Variants in MCF2L observed in about 807,000 individuals in gnomAD.
MCF2L encodes the protein MCF.2 cell line derived transforming sequence like.
MCF2L carries 97 observed loss-of-function variants against 153.4 expected under a neutral mutation model. The observed-to-expected ratio is 0.63, with a 90% CI of 0.54 to 0.75. The LOEUF (loss-of-function observed/expected upper bound fraction) is 0.75, where lower values mean the gene tolerates loss of function less well. MCF2L is among the 30% of genes least tolerant of loss of function. The pLI is 0.00. For missense variants in MCF2L, 1,347 were observed against 1,495.2 expected (o/e 0.90, Z 1.64); for synonymous variants, 659 against 632.2 (o/e 1.04, Z -0.64).
upstream of MCF2L, chr13:112,968,436 C>A (rs1414932157): frequency 5.7e-6 from 9 of 1,583,656 alleles, no homozygotes; most frequent in Non-Finnish European, 7.7e-6. Flanking sequence ...CTGCGTGTGT[C>A]GAGTGCACAG....
chr13:112,916,065 G>A (rs897052240), intron 2 of MCF2L, among the ~76,000 whole-genome samples: 12 of 150,562 alleles, frequency 8.0e-5, no homozygotes, highest in East Asian at 1.9e-4. Context: ...AAAATTAGCC[G>A]GGCATGATGG....
intron 26 of MCF2L, 190 bp downstream of exon 26, chr13:113,089,918 T>A: frequency 3.1e-6 from 5 of 1,601,844 alleles, no homozygotes; most frequent in Non-Finnish European, 4.3e-6. Flanking sequence ...TCCATTGCTC[T>A]GCACCCCTGC....
At chr13:112,991,774 T>C (rs1470201878) in intron 1 of MCF2L, among the ~76,000 whole-genome samples, 1 of 152,186 alleles carries the variant, frequency 6.6e-6, no homozygotes, top group East Asian at 1.9e-4. Context: ...AGCCCTTCCC[T>C]GCGGGTTAAG....
chr13:113,078,512 C>T, intron 14 of MCF2L, 76 bp downstream of exon 14: 5 of 1,419,878 alleles, frequency 3.5e-6, no homozygotes, highest in East Asian at 2.4e-5. Flanking sequence ...CTCCGTGTGG[C>T]CCCCCCTCCC....
chr13:112,920,572 T>C (rs2081342062), intron 2 of MCF2L, among the ~76,000 whole-genome samples: 1 of 151,932 alleles, frequency 6.6e-6, no homozygotes, highest in East Asian at 1.9e-4. Context: ...GCCTGCACAT[T>C]GTATGGCCTG....
chr13:113,075,225 G>A (rs3764119), intron 11 of MCF2L, 36 bp downstream of exon 11: 128,051 of 1,545,392 alleles, frequency 0.083, 6,223 homozygotes, highest in East Asian at 0.23. Context: ...CTCCCCCCCA[G>A]CTGCGGAACC....
At chr13:112,949,092 A>C (rs747096987) in intron 2 of MCF2L, among the ~76,000 whole-genome samples, 1 of 152,244 alleles carries the variant, frequency 6.6e-6, no homozygotes, top group Non-Finnish European at 1.5e-5. Context: ...AGATATCAAA[A>C]GGATAATAAG....
chr13:113,094,696 C>T, intron 27 of MCF2L, 61 bp downstream of exon 27: 1 of 1,557,662 alleles, frequency 6.4e-7, no homozygotes, highest in Non-Finnish European at 8.7e-7. Flanking sequence ...ATTAGGGGTG[C>T]TTCTGGCAGG....
Position 113,074,592 on chromosome 13 carries a change from G to C in MCF2L, c.1116+29G>C. 5 of 1,610,164 alleles carry C rather than the reference G, an allele frequency of 3.1e-6. No homozygotes were observed. The highest frequency in any genetic ancestry group is 4.2e-6 in the Non-Finnish European group (5 of 1,177,418). On this transcript the variant is annotated intron_variant, in intron 10 of 29. Coordinates refer to ENST00000535094, the MANE Select transcript of MCF2L (RefSeq NM_001112732.3). This position sits in a 1 kb window ranked among gnomAD's most constrained non-coding sequence, Gnocchi z 4.2. ...AGGCGGGGTCCCGGCGGGGGCGGCG[G>C]GAGAGTGTGGGCAGCATCATCAAGT...
At position 113,064,266 on chromosome 13, in the gene MCF2L, A is replaced by G. The variant is rs999891914; in HGVS notation, c.490-38A>G. 1.1e-5 allele frequency: 16 copies of G among 1,461,730 alleles called. No individual in the cohort carries two copies. In the Middle Eastern group the frequency reaches 1.2e-3, roughly 111 times the overall value. 90.5% of individuals were successfully genotyped at this position (1,461,730 alleles called of 1,614,324 possible). A position where few individuals can be genotyped will look rare whatever the true frequency, so the allele number is the denominator to read the frequency against. ...GGCAGCTCTTTTGGGAGCCAACAAT[A>G]ATCCCAAACACTACCACGCATTCCC... On this transcript the variant is annotated intron_variant, in intron 5 of 29. Transcript: ENST00000535094. This position sits in a 1 kb window ranked among gnomAD's most constrained non-coding sequence, Gnocchi z 6.0.
chr13:113,023,364 A>G (rs1033413969), intron 2 of MCF2L, among the ~76,000 whole-genome samples: 36 of 152,244 alleles, frequency 2.4e-4, no homozygotes, highest in Admixed American at 2.2e-3. Flanking sequence ...GGAGACGCCC[A>G]CAGGGAGCCT....
intron 9 of MCF2L, among the ~76,000 whole-genome samples, chr13:113,072,768 A>C (rs2033048065): frequency 6.6e-6 from 1 of 151,292 alleles, no homozygotes; most frequent in Non-Finnish European, 1.5e-5. Context: ...GAGATGTATC[A>C]CTCCTCATCT....
chr13:112,982,893 C>T (rs954362721), intron 1 of MCF2L, among the ~76,000 whole-genome samples: 3 of 151,742 alleles, frequency 2.0e-5, no homozygotes, highest in East Asian at 1.9e-4. Context: ...GCTTGAGGGG[C>T]GCCGAGGTGT....
At chr13:112,973,268 G>A (rs2082112777) in intron 1 of MCF2L, among the ~76,000 whole-genome samples, 1 of 152,182 alleles carries the variant, frequency 6.6e-6, no homozygotes, top group Non-Finnish European at 1.5e-5. Flanking sequence ...TTTTAAATGT[G>A]CTGAGGCCCT....
Position 113,074,599 on chromosome 13 carries a change from G to A in MCF2L, c.1116+36G>A. 1 of 1,608,526 alleles carries A rather than the reference G, an allele frequency of 6.2e-7. No individual in the cohort carries two copies. Among genetic ancestry groups the A allele is most frequent in the Non-Finnish European group, 8.5e-7 (1 of 1,176,198 alleles). ...GTCCCGGCGGGGGCGGCGGGAGAGT[G>A]TGGGCAGCATCATCAAGTGCTGCTC... On this transcript the variant is annotated intron_variant, in intron 10 of 29. Coordinates refer to ENST00000535094, the MANE Select transcript of MCF2L (RefSeq NM_001112732.3). This position sits in a 1 kb window ranked among gnomAD's most constrained non-coding sequence, Gnocchi z 4.2.
intron 1 of MCF2L, among the ~76,000 whole-genome samples, chr13:112,990,031 C>T (rs1037184257): frequency 3.9e-5 from 6 of 152,288 alleles, no homozygotes; most frequent in African/African-American, 9.6e-5. Context: ...TGACAGGAGG[C>T]GGAGCTCAGG....
intron 5 of MCF2L, among the ~76,000 whole-genome samples, chr13:113,061,381 G>A (rs981099699): frequency 2.0e-5 from 3 of 152,102 alleles, no homozygotes; most frequent in African/African-American, 2.4e-5. Flanking sequence ...TAGCTCCCCC[G>A]GAGAGCCCTG....
chr13:112,968,402 A>G (rs1010100283), upstream of MCF2L: 98 of 1,548,578 alleles, frequency 6.3e-5, no homozygotes, highest in Non-Finnish European at 7.5e-5. Flanking sequence ...CACGAGCTGG[A>G]ATCTGCAGGT....
intron 3 of MCF2L, among the ~76,000 whole-genome samples, chr13:113,033,431 A>AG (rs1566773802): frequency 3.1e-5 from 2 of 64,760 alleles, no homozygotes; most frequent in Admixed American, 1.8e-4. Context: ...GGCCCCCATG[A>AG]TGTGAGTGGC....
Sources: gnomAD v4.1 joint callset for allele counts (sites outside exome capture counted in the v4.1 genomes callset) on GRCh38, gnomAD v4.1.1 for gene constraint, Gnocchi (gnomAD v3.1) non-coding constraint, MANE v1.5 for transcripts, NCBI Gene and HGNC (gene_info 2026-07-23, HGNC 2026-07-21) for gene names.